Variants in TNRC6A observed in about 807,000 individuals in gnomAD.
TNRC6A encodes the protein trinucleotide repeat containing adaptor 6A.
In TNRC6A, 44 loss-of-function variants were observed where a neutral mutation model predicts 221.2. The ratio of observed to expected loss-of-function variants is 0.20; its 90% CI spans 0.16 to 0.26. The LOEUF is 0.26. Among genes scored for constraint, TNRC6A ranks in the 10% least tolerant of loss-of-function variants. The pLI, the probability that TNRC6A is intolerant of heterozygous loss-of-function variation, is 1.00. For synonymous variants in TNRC6A, 847 were observed against 838.5 expected, an observed-to-expected ratio of 1.01 and a Z score of -0.18; for missense variants, 2,199 against 2,404.4, an observed-to-expected ratio of 0.91 and a Z score of 1.79.
intron 14 of TNRC6A, 172 bp from the exon 15 acceptor site, chr16:24,805,432 AC>A (rs1460924268): frequency 1.0e-6 from 1 of 1,002,178 alleles, no homozygotes; most frequent in Admixed American, 2.8e-5. Flanking sequence ...CTTTTACTTA[AC>A]CCACGAAAAA....
intron 2 of TNRC6A, among the ~76,000 whole-genome samples, chr16:24,721,206 T>C (rs2056405244): frequency 6.6e-6 from 1 of 152,198 alleles, no homozygotes; most frequent in African/African-American, 2.4e-5. Context: ...GTTTCTTATA[T>C]AGTCAAATAT....
intron 22 of TNRC6A, 47 bp downstream of exon 22, chr16:24,820,407 G>T: frequency 1.3e-6 from 2 of 1,542,304 alleles, no homozygotes; most frequent in South Asian, 1.1e-5. Flanking sequence ...TTTGCTAAAC[G>T]CTAACCAGTA....
intron 4 of TNRC6A, among the ~76,000 whole-genome samples, chr16:24,761,148 A>G (rs372906850): frequency 1.3e-5 from 2 of 152,200 alleles, no homozygotes; most frequent in East Asian, 3.8e-4. Flanking sequence ...GTTTAGCCAC[A>G]TGTGGCTGTC....
intron 2 of TNRC6A, among the ~76,000 whole-genome samples, chr16:24,734,718 T>C (rs2056724320): frequency 6.6e-6 from 1 of 152,250 alleles, no homozygotes; most frequent in Non-Finnish European, 1.5e-5. Context: ...AAAATATAAT[T>C]TTGGTTTCTC....
intron 1 of TNRC6A, among the ~76,000 whole-genome samples, chr16:24,623,889 A>AAG (rs1485773896): frequency 5.7e-5 from 7 of 122,132 alleles, no homozygotes; most frequent in African/African-American, 2.2e-4. Flanking sequence ...GTAAAGGAGC[A>AAG]AGACCCTGTC....
At chr16:24,699,917 T>C (rs1309180433) in intron 2 of TNRC6A, among the ~76,000 whole-genome samples, 1 of 151,348 alleles carries the variant, frequency 6.6e-6, no homozygotes, top group Non-Finnish European at 1.5e-5. Context: ...ATGTGCCAAG[T>C]GCTAGTGTTA....
chr16:24,735,753 C>A (rs181838376), intron 2 of TNRC6A, among the ~76,000 whole-genome samples: 20 of 152,258 alleles, frequency 1.3e-4, no homozygotes, highest in Admixed American at 5.9e-4. Flanking sequence ...ATGACAACTG[C>A]AAAAGTATTG....
At chr16:24,652,985 C>A (rs889852673) in intron 2 of TNRC6A, among the ~76,000 whole-genome samples, 1 of 152,090 alleles carries the variant, frequency 6.6e-6, no homozygotes, top group Non-Finnish European at 1.5e-5. Flanking sequence ...TTAAAAGCAC[C>A]CTGAAATTTG....
At chr16:24,776,439 CAGCA>C (rs2057719190) in intron 4 of TNRC6A, 3 of 985,182 alleles carry the variant, frequency 3.0e-6, no homozygotes, top group Admixed American at 6.1e-5. Context: ...GTAAGAAAAC[CAGCA>C]GGTTGTTTTC....
intron 2 of TNRC6A, among the ~76,000 whole-genome samples, chr16:24,679,293 G>A (rs534827626): frequency 3.6e-4 from 55 of 150,818 alleles, no homozygotes; most frequent in African/African-American, 1.3e-3. Context: ...CACTGCGCCC[G>A]GCCAAGACAT....
chr16:24,616,182 C>T (rs1009211273), intron 1 of TNRC6A, among the ~76,000 whole-genome samples: 2 of 151,472 alleles, frequency 1.3e-5, no homozygotes, highest in African/African-American at 4.8e-5. Context: ...AAAAATTTGC[C>T]AGGCGTGGTG....
intron 18 of TNRC6A, among the ~76,000 whole-genome samples, chr16:24,813,870 A>G (rs2058598549): frequency 6.6e-6 from 1 of 152,226 alleles, no homozygotes; most frequent in East Asian, 1.9e-4. Context: ...TGTTCTTACT[A>G]GAAAAAAATA....
At chr16:24,800,225 C>T (rs554154565) in intron 11 of TNRC6A, among the ~76,000 whole-genome samples, 24 of 152,204 alleles carry the variant, frequency 1.6e-4, no homozygotes, top group East Asian at 7.7e-4. Flanking sequence ...TGAGAGAAGC[C>T]GCTCGCACTT....
intron 9 of TNRC6A, among the ~76,000 whole-genome samples, chr16:24,797,026 CATG>C (rs1245244734): frequency 4.6e-5 from 7 of 152,208 alleles, no homozygotes. Flanking sequence ...GTGGAAAACA[CATG>C]GTGTTTTTTC....
rs781278507 is a variant in TNRC6A, at chr16:24,823,707, G to A, written c.5789G>A (p.Gly1930Asp). 3 of 1,578,516 alleles carry A rather than the reference G, an allele frequency of 1.9e-6. No individual in the cohort carries two copies. The highest frequency in any genetic ancestry group is 2.6e-6 in the Non-Finnish European group (3 of 1,161,426). ...GTPHYSTSLW[G>D]PPSSSDPRGI... Reference sequence around the variant, plus strand: ...CCGCATTATTCCACAAGCCTGTGGGGTCCCCCAAGCAGCAGCGACCCCCGA... The same window carrying A: ...CCGCATTATTCCACAAGCCTGTGGGATCCCCCAAGCAGCAGCGACCCCCGA... The change falls in exon 25 of 25, where the codon GGT becomes GAT. Residue 1930 changes from glycine to aspartate, a missense_variant. Around this residue, in one of 8 missense-constraint regions of TNRC6A, gnomAD observed 130 missense variants for 121.7 expected, o/e 1.07. Coordinates refer to ENST00000395799, the MANE Select transcript of TNRC6A (RefSeq NM_014494.4). The surrounding 1 kb of genome is among the most constrained non-coding windows in gnomAD (Gnocchi z 4.3).
At chr16:24,631,336 T>C (rs1901329004) in intron 1 of TNRC6A, among the ~76,000 whole-genome samples, 1 of 152,150 alleles carries the variant, frequency 6.6e-6, no homozygotes, top group African/African-American at 2.4e-5. Flanking sequence ...AGATGTCATC[T>C]TTCTCAACCC....
At chr16:24,700,637 A>C (rs2055953961) in intron 2 of TNRC6A, among the ~76,000 whole-genome samples, 1 of 151,972 alleles carries the variant, frequency 6.6e-6, no homozygotes, top group African/African-American at 2.4e-5. Flanking sequence ...TGACCTATGG[A>C]TCTTCGTGGT....
At chr16:24,622,586 T>TC (rs1190308526) in intron 1 of TNRC6A, among the ~76,000 whole-genome samples, 21 of 152,190 alleles carry the variant, frequency 1.4e-4, no homozygotes, top group African/African-American at 4.8e-4. Flanking sequence ...AGAGAGAGAC[T>TC]GCATCTCAAA....
chr16:24,753,469 T>C (rs2057181494), intron 3 of TNRC6A, among the ~76,000 whole-genome samples: 1 of 152,230 alleles, frequency 6.6e-6, no homozygotes, highest in Admixed American at 6.5e-5. Context: ...TAGACTGTTC[T>C]CCAAATTTCA....
Sources: allele counts gnomAD v4.1 joint callset (sites outside exome capture counted in the v4.1 genomes callset), GRCh38; gene constraint gnomAD v4.1.1; regional missense constraint gnomAD v4.1.1; non-coding constraint Gnocchi (gnomAD v3.1); transcripts MANE v1.5; gene names NCBI Gene and HGNC (gene_info 2026-07-23, HGNC 2026-07-21).